The following NRG3 variants were observed in gnomAD, a reference collection of about 807,000 sequenced individuals.
The protein encoded by NRG3 is neuregulin 3, also known as pro-neuregulin-3, membrane-bound isoform.
A neutral mutation model predicts 66.9 loss-of-function variants in NRG3; 31 were observed. The ratio of observed to expected loss-of-function variants is 0.46; its 90% confidence interval spans 0.35 to 0.63. The LOEUF is 0.63. NRG3 is among the 20% of genes least tolerant of loss of function. The pLI, the probability that NRG3 is intolerant of heterozygous loss-of-function variation, is 0.00. For missense variants in NRG3, 910 were observed against 878.9 expected, an observed-to-expected ratio of 1.04 and a Z score of -0.45; for synonymous variants, 393 against 359.4, an observed-to-expected ratio of 1.09 and a Z score of -1.06.
chr10:82,774,774 G>A (rs755193392), intron 3 of NRG3, among the ~76,000 whole-genome samples: 3 of 116,082 alleles, frequency 2.6e-5, no homozygotes, highest in Non-Finnish European at 5.5e-5. Context: ...TTTGATTTAT[G>A]TTCTGATCCT....
At chr10:82,064,191 T>C (rs188857387) in intron 1 of NRG3, among the ~76,000 whole-genome samples, 68 of 152,256 alleles carry the variant, frequency 4.5e-4, no homozygotes, top group African/African-American at 1.5e-3. Flanking sequence ...TCAAAATAAC[T>C]CTGTGGTCCA....
chr10:82,574,685 TGTG>T (rs1489851641), intron 2 of NRG3, among the ~76,000 whole-genome samples: 1 of 151,554 alleles, frequency 6.6e-6, no homozygotes, highest in Non-Finnish European at 1.5e-5. Flanking sequence ...AAAAAGAAAA[TGTG>T]GTATACATAC....
intron 2 of NRG3, among the ~76,000 whole-genome samples, chr10:82,611,520 T>G (rs1320674108): frequency 2.6e-5 from 4 of 152,152 alleles, no homozygotes; most frequent in African/African-American, 9.7e-5. Context: ...TATGTGGTGT[T>G]TGGTTTTCCG....
At chr10:82,493,624 A>G (rs561838579) in intron 2 of NRG3, among the ~76,000 whole-genome samples, 3 of 152,160 alleles carry the variant, frequency 2.0e-5, no homozygotes, top group Non-Finnish European at 4.4e-5. Context: ...AGAGTAATTT[A>G]TATTCCTCTA....
intron 1 of NRG3, among the ~76,000 whole-genome samples, chr10:82,181,329 G>T (rs1299587827): frequency 6.6e-6 from 1 of 151,466 alleles, no homozygotes; most frequent in African/African-American, 2.4e-5. Flanking sequence ...TCAAGTTGTA[G>T]AATTAGGTTG....
intron 1 of NRG3, among the ~76,000 whole-genome samples, chr10:81,910,151 G>C (rs1844990388): frequency 6.6e-6 from 1 of 152,122 alleles, no homozygotes; most frequent in South Asian, 2.1e-4. Flanking sequence ...CTAGAATCCT[G>C]TAGAATCAGT....
intron 2 of NRG3, among the ~76,000 whole-genome samples, chr10:82,470,067 T>C (rs1038384497): frequency 2.2e-4 from 34 of 152,274 alleles, no homozygotes; most frequent in African/African-American, 8.2e-4. Context: ...TGCTGTCAGG[T>C]GGGAGCCCTC....
chr10:82,891,755 A>T (rs999930359), intron 4 of NRG3, among the ~76,000 whole-genome samples: 2 of 151,934 alleles, frequency 1.3e-5, no homozygotes, highest in Non-Finnish European at 2.9e-5. Flanking sequence ...AAATTTAAAT[A>T]TTTTATTTTT....
chr10:82,719,417 A>C (rs2057165204), intron 2 of NRG3, among the ~76,000 whole-genome samples: 1 of 152,236 alleles, frequency 6.6e-6, no homozygotes, highest in African/African-American at 2.4e-5. Flanking sequence ...TGGTCAAGCC[A>C]GCTGATCTGT....
chr10:82,009,886 G>A (rs1249857096), intron 1 of NRG3, among the ~76,000 whole-genome samples: 2 of 152,144 alleles, frequency 1.3e-5, no homozygotes, highest in Admixed American at 6.5e-5. Context: ...CAGTATAGAA[G>A]CACATGTATT....
intron 1 of NRG3, among the ~76,000 whole-genome samples, chr10:81,937,941 C>A (rs1424116671): frequency 1.3e-5 from 2 of 151,954 alleles, no homozygotes; most frequent in South Asian, 2.1e-4. Flanking sequence ...TAGAGTCCAA[C>A]TTTGTTCTTT....
rs1015011645 is a variant in NRG3 at position 82,493,600 on chromosome 10, T to A, written c.953+134732T>A. Among the ~76,000 whole-genome samples, 12 of 152,204 alleles carry A rather than the reference T, an allele frequency of 7.9e-5. 1 individual carries two copies. Among genetic ancestry groups the A allele is most frequent in the African/African-American group, 2.4e-4 (10 of 41,454 alleles). ...GTGCTGCAATGAACATACATGTCCA[T>A]GTATCTTTGTAACAGAGTAATTTAT... On this transcript the variant is annotated intron_variant, in intron 2 of 8. Coordinates refer to ENST00000372141, the MANE Select transcript of NRG3 (RefSeq NM_001010848.4).
intron 1 of NRG3, among the ~76,000 whole-genome samples, chr10:81,959,168 A>G (rs1477894204): frequency 1.3e-5 from 2 of 152,222 alleles, no homozygotes; most frequent in Non-Finnish European, 2.9e-5. Context: ...ACAGTCACTG[A>G]TAGTCATCTG....
At chr10:82,193,699 C>T (rs941338759) in intron 1 of NRG3, among the ~76,000 whole-genome samples, 4 of 152,122 alleles carry the variant, frequency 2.6e-5, no homozygotes, top group African/African-American at 9.7e-5. Context: ...CCGAATGGTG[C>T]TAGGCTTTTG....
At chr10:82,113,213 A>G (rs2067494694) in intron 1 of NRG3, among the ~76,000 whole-genome samples, 1 of 152,126 alleles carries the variant, frequency 6.6e-6, no homozygotes, top group African/African-American at 2.4e-5. Flanking sequence ...AATCCCCACA[A>G]CAACCCTATG....
At chr10:82,390,360 A>T (rs1478569472) in intron 2 of NRG3, among the ~76,000 whole-genome samples, 2 of 151,880 alleles carry the variant, frequency 1.3e-5, no homozygotes, top group Admixed American at 1.3e-4. Flanking sequence ...GCTGGGGTGG[A>T]TTGTTCTCAA....
At chr10:82,679,164 G>T (rs2053932351) in intron 2 of NRG3, among the ~76,000 whole-genome samples, 1 of 152,158 alleles carries the variant, frequency 6.6e-6, no homozygotes, top group Admixed American at 6.6e-5. Context: ...CATAGTAGAT[G>T]CTCAGGAAGT....
chr10:82,547,331 C>A (rs968390245), intron 2 of NRG3, among the ~76,000 whole-genome samples: 1 of 151,620 alleles, frequency 6.6e-6, no homozygotes, highest in Non-Finnish European at 1.5e-5. Flanking sequence ...AATATATACA[C>A]ACCATCTGCA....
chr10:81,974,337 T>C (rs555841447), intron 1 of NRG3, among the ~76,000 whole-genome samples: 18 of 152,156 alleles, frequency 1.2e-4, no homozygotes, highest in African/African-American at 4.3e-4. Context: ...AAAAGACATA[T>C]TACATACAGA....
Sources: gnomAD v4.1 joint callset for allele counts (sites outside exome capture counted in the v4.1 genomes callset) on GRCh38, gnomAD v4.1.1 for gene constraint, MANE v1.5 for transcripts, NCBI Gene and HGNC (gene_info 2026-07-23, HGNC 2026-07-21) for gene names.